Variants in ZNG1C observed in about 807,000 individuals in gnomAD.
ZNG1C encodes the protein zinc-regulated GTPase metalloprotein activator 1C.
At chr9:68,257,951 C>T in the ZNG1C span, among the ~76,000 whole-genome samples, 1 of 143,280 alleles carries the variant, frequency 7.0e-6, no homozygotes, top group Non-Finnish European at 1.5e-5. Flanking sequence ...CATAATTAAA[C>T]TCATTCTTTT....
At chr9:68,299,138 T>C in the ZNG1C span, 1 of 1,603,908 alleles carries the variant, frequency 6.2e-7, no homozygotes, top group Non-Finnish European at 8.5e-7. Flanking sequence ...GTGAAAAATA[T>C]ATTTGAAAGG....
the ZNG1C span, among the ~76,000 whole-genome samples, chr9:68,279,597 A>G: frequency 2.1e-5 from 3 of 143,288 alleles, no homozygotes; most frequent in African/African-American, 5.2e-5. Flanking sequence ...GAAATTCTGG[A>G]TTGAAAATTC....
the ZNG1C span, among the ~76,000 whole-genome samples, chr9:68,276,822 T>C: frequency 6.5e-5 from 4 of 61,400 alleles, no homozygotes; most frequent in African/African-American, 2.8e-4. Flanking sequence ...TTTAAAGTAG[T>C]TTTTTCCAAT....
the ZNG1C span, among the ~76,000 whole-genome samples, chr9:68,296,860 G>T: frequency 5.3e-5 from 8 of 151,638 alleles, no homozygotes; most frequent in South Asian, 1.2e-3. Context: ...TTTCTTTAGG[G>T]TAGACAGTGA....
chr9:68,285,204 AC>A, the ZNG1C span: 286 of 19,394 alleles, frequency 0.015, no homozygotes, highest in East Asian at 0.039. Context: ...CCCTACTAGG[AC>A]CCCCCCAAAG....
chr9:68,299,211 G>C, the ZNG1C span: 1 of 1,552,180 alleles, frequency 6.4e-7, no homozygotes, highest in Admixed American at 2.0e-5. Context: ...AAATAAGCTT[G>C]TGGTCAATGT....
At chr9:68,249,124 T>C in the ZNG1C span, 1 of 600,396 alleles carries the variant, frequency 1.7e-6, no homozygotes, top group Non-Finnish European at 2.9e-6. Context: ...ATTGGAAGTT[T>C]TATTGATTGA....
At chr9:68,291,363 C>G in the ZNG1C span, among the ~76,000 whole-genome samples, 2,816 of 28,082 alleles carry the variant, frequency 0.1, 395 homozygotes, top group Middle Eastern at 0.41. Context: ...GTCTCCCTCT[C>G]ACCCCTGGTA....
At chr9:68,288,491 T>G in the ZNG1C span, among the ~76,000 whole-genome samples, 2 of 151,922 alleles carry the variant, frequency 1.3e-5, no homozygotes, top group Non-Finnish European at 2.9e-5. Flanking sequence ...TGAGACGGAG[T>G]CTCGCTCCGG....
the ZNG1C span, chr9:68,253,899 G>T: frequency 2.9e-5 from 1 of 34,716 alleles, no homozygotes; most frequent in East Asian, 3.4e-4. Flanking sequence ...CTTTATTTTT[G>T]AAATTCAGTA....
At chr9:68,281,627 A>C in the ZNG1C span, among the ~76,000 whole-genome samples, 47 of 99,760 alleles carry the variant, frequency 4.7e-4, no homozygotes, top group African/African-American at 1.6e-3. Flanking sequence ...CCCCTTGAAT[A>C]GCAGCTTCCC....
chr9:68,288,387 G>GTTTTGT, the ZNG1C span, among the ~76,000 whole-genome samples: 2 of 152,244 alleles, frequency 1.3e-5, no homozygotes, highest in South Asian at 4.1e-4. Context: ...TTTGGTTTTG[G>GTTTTGT]TTTATTTATT....
the ZNG1C span, chr9:68,272,292 CT>C: frequency 5.5e-5 from 7 of 128,306 alleles, no homozygotes; most frequent in African/African-American, 2.1e-4. Context: ...GAAAGCCTCT[CT>C]TTTAAGAAAA....
At chr9:68,299,966 G>T in the ZNG1C span, 1 of 152,736 alleles carries the variant, frequency 6.5e-6, no homozygotes, top group South Asian at 2.1e-4. Context: ...TTTAACACAA[G>T]TAAGTGTCAC....
chr9:68,276,490 A>G, the ZNG1C span, among the ~76,000 whole-genome samples: 1 of 141,464 alleles, frequency 7.1e-6, no homozygotes, highest in Non-Finnish European at 1.5e-5. Flanking sequence ...TATAAGGTGT[A>G]AGGAAGGGAT....
chr9:68,279,654 G>A, the ZNG1C span, among the ~76,000 whole-genome samples: 1 of 111,960 alleles, frequency 8.9e-6, no homozygotes, highest in Non-Finnish European at 1.9e-5. Flanking sequence ...CTTCTGGCTT[G>A]TAGAGTTTCT....
chr9:68,245,008 A>G, the ZNG1C span, among the ~76,000 whole-genome samples: 1 of 141,954 alleles, frequency 7.0e-6, no homozygotes, highest in Non-Finnish European at 1.5e-5. Flanking sequence ...GTGTTTGTAA[A>G]TATTTATAAA....
the ZNG1C span, among the ~76,000 whole-genome samples, chr9:68,256,115 G>A: frequency 4.6e-5 from 7 of 152,276 alleles, no homozygotes; most frequent in Admixed American, 3.9e-4. Flanking sequence ...CAGAGCAGGT[G>A]GACAGCTTTA....
the ZNG1C span, among the ~76,000 whole-genome samples, chr9:68,282,862 C>T: frequency 1.7e-5 from 2 of 120,900 alleles, no homozygotes; most frequent in South Asian, 5.2e-4. Flanking sequence ...TTTTGGAGTA[C>T]CTGGAAAAAA....
Sources: allele counts gnomAD v4.1 joint callset (sites outside exome capture counted in the v4.1 genomes callset), GRCh38; gene constraint gnomAD v4.1.1; transcripts MANE v1.5; gene names NCBI Gene and HGNC (gene_info 2026-07-23, HGNC 2026-07-21).